Variants in TPD52 observed in about 807,000 individuals in gnomAD.
TPD52 encodes tumor protein D52.
In TPD52, 17 loss-of-function variants were observed where a neutral mutation model predicts 31.3. The observed-to-expected ratio is 0.54, with a 90% confidence interval of 0.37 to 0.82. The LOEUF (loss-of-function observed/expected upper bound fraction) is 0.82, where lower values mean the gene tolerates loss of function less well. TPD52 is among the 40% of genes least tolerant of loss of function. The probability of loss-of-function intolerance (pLI) is 0.00; values close to 1 mark genes in which losing one functional copy is unlikely to be tolerated. For missense variants in TPD52, 212 were observed against 240.1 expected, an observed-to-expected ratio of 0.88 and a Z score of 0.77; for synonymous variants, 83 against 89.6, an observed-to-expected ratio of 0.93 and a Z score of 0.42.
intron 1 of TPD52, among the ~76,000 whole-genome samples, chr8:80,137,340 G>A (rs1043859013): frequency 1.3e-5 from 2 of 151,978 alleles, no homozygotes; most frequent in African/African-American, 2.4e-5. Flanking sequence ...GAATTTTAAG[G>A]TAAACTATAT....
chr8:80,140,183 C>T (rs1429431113), intron 1 of TPD52, among the ~76,000 whole-genome samples: 1 of 152,184 alleles, frequency 6.6e-6, no homozygotes, highest in African/African-American at 2.4e-5. Context: ...GGCCCAAGTC[C>T]TGGGTTCTCC....
At chr8:80,171,112 C>A in intron 1 of TPD52, 1 of 664,272 alleles carries the variant, frequency 1.5e-6, no homozygotes, top group East Asian at 2.9e-5. Flanking sequence ...CGCGGCTTTC[C>A]ACCCAAAGCG....
At chr8:80,049,776 CT>C (rs1322350808) in intron 5 of TPD52, among the ~76,000 whole-genome samples, 1 of 152,180 alleles carries the variant, frequency 6.6e-6, no homozygotes, top group Admixed American at 6.5e-5. Context: ...GAGCTAACAT[CT>C]TTTTAATGTG....
Position 80,036,111 on chromosome 8 carries a change from C to A in TPD52, c.*2005G>T, listed in dbSNP as rs1011676695. 3 of 152,068 alleles carry A rather than the reference C, an allele frequency of 2.0e-5. No individual in the cohort carries two copies. Among genetic ancestry groups the A allele is most frequent in the African/African-American group, 7.2e-5 (3 of 41,400 alleles). The allele number at this position is 152,068 out of a possible 1,614,324, so 9.4% of individuals were successfully genotyped here. A position where few individuals can be genotyped will look rare whatever the true frequency, so the allele number is the denominator to read the frequency against. On this transcript the variant is annotated 3_prime_UTR_variant, in exon 8 of 8. Coordinates refer to ENST00000518937, the MANE Select transcript of TPD52 (RefSeq NM_001025253.3). ...CCATTATTTTCTTTCACAGCCACCC[C>A]CAATACCCACCTTCATCCACTCACC...
intron 1 of TPD52, among the ~76,000 whole-genome samples, chr8:80,077,773 T>C (rs997235571): frequency 2.6e-5 from 4 of 152,186 alleles, no homozygotes; most frequent in Admixed American, 6.5e-5. Context: ...CACAAAGTTT[T>C]TGAGCCATAT....
At chr8:80,109,856 T>C (rs903313860) in intron 1 of TPD52, among the ~76,000 whole-genome samples, 1 of 152,226 alleles carries the variant, frequency 6.6e-6, no homozygotes, top group African/African-American at 2.4e-5. Context: ...CCTCAGTTCT[T>C]CTAGGTTCCT....
chr8:80,155,480 C>A (rs985943230), intron 1 of TPD52, among the ~76,000 whole-genome samples: 2 of 152,066 alleles, frequency 1.3e-5, no homozygotes, highest in African/African-American at 4.8e-5. Context: ...CTGCAAGGCT[C>A]AGGGTTGGAA....
intron 1 of TPD52, among the ~76,000 whole-genome samples, chr8:80,152,229 G>A (rs1461557195): frequency 6.6e-6 from 1 of 152,140 alleles, no homozygotes; most frequent in Non-Finnish European, 1.5e-5. Flanking sequence ...CCTACCCACA[G>A]GTAGAGAGCT....
chr8:80,170,284 C>T (rs1311188178), intron 1 of TPD52, among the ~76,000 whole-genome samples: 2 of 152,022 alleles, frequency 1.3e-5, no homozygotes, highest in East Asian at 1.9e-4. Context: ...GCTGTGGTGG[C>T]GCACACCTGT....
intron 1 of TPD52, among the ~76,000 whole-genome samples, chr8:80,150,912 G>A (rs1041208057): frequency 1.2e-4 from 19 of 152,336 alleles, no homozygotes; most frequent in African/African-American, 3.6e-4. Context: ...GGACTGTTGG[G>A]AAGCCATTAT....
chr8:80,087,595 C>T (rs1195127347), intron 1 of TPD52, among the ~76,000 whole-genome samples: 5 of 152,210 alleles, frequency 3.3e-5, no homozygotes, highest in African/African-American at 1.2e-4. Context: ...ATCACGGGGG[C>T]AGGGCCTAAT....
rs532597755 is a variant in TPD52 at position 80,097,030 on chromosome 8, C to T, written c.20-32437G>A. On this transcript the variant is annotated intron_variant, in intron 1 of 7. Coordinates refer to ENST00000518937, the MANE Select transcript of TPD52 (RefSeq NM_001025253.3). ...TGCAAAGAAAAAGTTCTTGAAGCTT[C>T]GAAATTACAAGTGCTACTCCAGTGA... Among the ~76,000 whole-genome samples the T allele has an allele frequency of 1.1e-4, 17 of 152,272 alleles. No homozygotes were observed. The South Asian group carries it at 1.7e-3, about 15-fold the overall frequency.
intron 1 of TPD52, among the ~76,000 whole-genome samples, chr8:80,077,047 C>T (rs1262388082): frequency 1.3e-5 from 2 of 151,964 alleles, no homozygotes; most frequent in East Asian, 3.9e-4. Flanking sequence ...GAGGCCGAGG[C>T]AGGCGGATCA....
At chr8:80,148,317 A>AGTGTGTGTGTGTGT (rs34231994) in intron 1 of TPD52, among the ~76,000 whole-genome samples, 8,116 of 143,874 alleles carry the variant, frequency 0.056, 295 homozygotes, top group African/African-American at 0.083. Context: ...TTCCTGGCTA[A>AGTGTGTGTGTGTGT]GTGTGTGTGT....
At chr8:80,103,426 G>A (rs1806887349) in intron 1 of TPD52, among the ~76,000 whole-genome samples, 1 of 152,222 alleles carries the variant, frequency 6.6e-6, no homozygotes, top group Non-Finnish European at 1.5e-5. Flanking sequence ...GCCCCTGTGG[G>A]CAGAGTGCTA....
At chr8:80,071,484 G>A (rs1384313495) in intron 1 of TPD52, among the ~76,000 whole-genome samples, 3 of 151,882 alleles carry the variant, frequency 2.0e-5, no homozygotes, top group African/African-American at 7.3e-5. Context: ...TCAACCCCCT[G>A]CAACCTTGTG....
chr8:80,091,789 G>C (rs1450198625), intron 1 of TPD52, among the ~76,000 whole-genome samples: 1 of 152,180 alleles, frequency 6.6e-6, no homozygotes, highest in Non-Finnish European at 1.5e-5. Context: ...TGGAACTACA[G>C]ATTCTGAGTT....
rs999908832 is a variant in TPD52 at position 80,118,142 on chromosome 8, C to T, written c.19+53283G>A. Among the ~76,000 whole-genome samples, 10 of 152,176 alleles carry T rather than the reference C, an allele frequency of 6.6e-5. No individual in the cohort carries two copies. The South Asian group carries it at 1.5e-3, about 22-fold the overall frequency. On this transcript the variant is annotated intron_variant, in intron 1 of 7. Coordinates refer to ENST00000518937, the MANE Select transcript of TPD52 (RefSeq NM_001025253.3). ...GGTCAATGGAATAGAATTCAGAGTTCGGAAATAGACATTCACAGTTAAGGT... is the reference window on the plus strand; with the variant it reads ...GGTCAATGGAATAGAATTCAGAGTTTGGAAATAGACATTCACAGTTAAGGT...
At chr8:80,139,695 A>G (rs6995019) in intron 1 of TPD52, among the ~76,000 whole-genome samples, 96,763 of 151,834 alleles carry the variant, frequency 0.64, 32,147 homozygotes, top group African/African-American at 0.83. Flanking sequence ...GCACTTGAAC[A>G]CTATAGCTAA....
Sources: allele counts gnomAD v4.1 joint callset (sites outside exome capture counted in the v4.1 genomes callset), GRCh38; gene constraint gnomAD v4.1.1; transcripts MANE v1.5; gene names NCBI Gene and HGNC (gene_info 2026-07-23, HGNC 2026-07-21).